Variants in TBCK observed in about 807,000 individuals in gnomAD.
The protein encoded by TBCK is TBC1 domain containing kinase, also known as TBC domain-containing protein kinase-like protein.
A neutral mutation model predicts 113.4 loss-of-function variants in TBCK; 99 were observed. The observed-to-expected ratio is 0.87, with a 90% confidence interval of 0.74 to 1.03. The LOEUF (loss-of-function observed/expected upper bound fraction) is 1.03. TBCK is among the 50% of genes least tolerant of loss of function. TBCK has a pLI of 0.00. For missense variants in TBCK, 1,045 were observed against 1,061.3 expected (o/e 0.98, Z 0.21); for synonymous variants, 369 against 370.8 (o/e 1.00, Z 0.05).
intron 25 of TBCK, among the ~76,000 whole-genome samples, chr4:106,074,184 C>G (rs577331507): frequency 6.6e-6 from 1 of 152,176 alleles, no homozygotes; most frequent in Non-Finnish European, 1.5e-5. Context: ...AATCACCTGT[C>G]TTCTTCATTG....
At chr4:106,234,098 G>A (rs893841131) in intron 15 of TBCK, among the ~76,000 whole-genome samples, 4 of 151,946 alleles carry the variant, frequency 2.6e-5, no homozygotes, top group African/African-American at 4.8e-5. Context: ...AATTTTGGTC[G>A]TGTTCTATAG....
At position 106,262,298 on chromosome 4, in the gene TBCK, A is replaced by G. The variant is rs1414131535; in HGVS notation, c.267-86T>C. The stretch of plus-strand genomic sequence containing the variant: ...AAGTGAAATGTGACCTAGTGAAAAT[A>G]TTCAAAAAGTTATATTTTTATTGCT... On this transcript the variant is annotated intron_variant, in intron 3 of 25. Transcript: ENST00000394708. 3 of 650,120 alleles carry G rather than the reference A, an allele frequency of 4.6e-6. No homozygotes were observed. In the Admixed American group the frequency reaches 9.1e-5, roughly 20 times the overall value. 40.3% of individuals were successfully genotyped at this position (650,120 alleles called of 1,614,324 possible). A position where few individuals can be genotyped will look rare whatever the true frequency, so the allele number is the denominator to read the frequency against.
At chr4:106,278,132 G>T (rs2125772073) in intron 3 of TBCK, among the ~76,000 whole-genome samples, 1 of 152,212 alleles carries the variant, frequency 6.6e-6, no homozygotes, top group Non-Finnish European at 1.5e-5. Flanking sequence ...AAGGTAATAT[G>T]AAGGCATTTT....
chr4:106,185,023 G>C (rs751295789), intron 22 of TBCK, among the ~76,000 whole-genome samples: 1 of 151,876 alleles, frequency 6.6e-6, no homozygotes, highest in Non-Finnish European at 1.5e-5. Flanking sequence ...TGCAGCCATC[G>C]TTTTCTCTCT....
intron 2 of TBCK, among the ~76,000 whole-genome samples, chr4:106,297,179 A>G (rs984690710): frequency 2.6e-5 from 4 of 152,106 alleles, no homozygotes; most frequent in African/African-American, 9.7e-5. Flanking sequence ...CAAGGCTGAA[A>G]AACTCTGAGA....
rs1760279296 is a variant in TBCK at position 106,242,582 on chromosome 4, T to A, written c.1071-13A>T. On this transcript the variant is annotated splice_polypyrimidine_tract_variant and intron_variant, in intron 11 of 25. Coordinates refer to ENST00000394708, the MANE Select transcript of TBCK (RefSeq NM_001163435.3). Reference sequence around the variant, plus strand: ...CTCAAAGAGAAAACTGAAAAGAAATTTTTAAAAATAATATGTACACAAAAT... The same window carrying A: ...CTCAAAGAGAAAACTGAAAAGAAATATTTAAAAATAATATGTACACAAAAT... The A allele has an allele frequency of 6.3e-7, 1 of 1,578,150 alleles. No homozygotes were observed. The highest frequency in any genetic ancestry group is 8.6e-7 in the Non-Finnish European group (1 of 1,163,778).
chr4:106,244,820 G>C (rs181144136), intron 10 of TBCK, 56 bp from the exon 11 acceptor site: 5 of 1,106,274 alleles, frequency 4.5e-6, no homozygotes, highest in Admixed American at 5.1e-5. Context: ...TTTATTAAAC[G>C]TCAACAGGCA....
intron 22 of TBCK, among the ~76,000 whole-genome samples, chr4:106,190,638 T>C (rs921177253): frequency 1.3e-5 from 2 of 152,236 alleles, no homozygotes; most frequent in Admixed American, 6.5e-5. Context: ...CTACATAAAA[T>C]ATAAGTGTGA....
intron 23 of TBCK, among the ~76,000 whole-genome samples, chr4:106,124,526 A>G (rs957009515): frequency 2.0e-5 from 3 of 152,214 alleles, no homozygotes. Flanking sequence ...ATTATAAATC[A>G]TGCTGCTATA....
At chr4:106,294,945 G>A (rs1192475119) in intron 3 of TBCK, 149 bp downstream of exon 3, 2 of 562,148 alleles carry the variant, frequency 3.6e-6, no homozygotes, top group Non-Finnish European at 6.4e-6. Flanking sequence ...TATGTAATCT[G>A]TAAATTAAAT....
chr4:106,163,525 G>A (rs1248810809), intron 23 of TBCK: 1 of 152,016 alleles, frequency 6.6e-6, no homozygotes, highest in Non-Finnish European at 1.5e-5. Flanking sequence ...CCCCAAACTG[G>A]GTAATTTATA....
intron 12 of TBCK, among the ~76,000 whole-genome samples, chr4:106,242,250 C>A (rs1305879413): frequency 6.6e-6 from 1 of 151,748 alleles, no homozygotes; most frequent in Non-Finnish European, 1.5e-5. Flanking sequence ...GAACAGTTAC[C>A]CAATGATGGC....
intron 3 of TBCK, among the ~76,000 whole-genome samples, chr4:106,275,996 A>G (rs1763987281): frequency 1.3e-5 from 2 of 152,190 alleles, no homozygotes. Context: ...TGGAAAATCT[A>G]TATTTACTGA....
intron 17 of TBCK, among the ~76,000 whole-genome samples, chr4:106,232,038 T>A (rs1488092259): frequency 6.6e-6 from 1 of 151,816 alleles, no homozygotes; most frequent in African/African-American, 2.4e-5. Context: ...TAGAAAAATG[T>A]AAGAATGTTA....
chr4:106,268,553 T>C (rs1296435809), intron 3 of TBCK, among the ~76,000 whole-genome samples: 1 of 152,146 alleles, frequency 6.6e-6, no homozygotes, highest in Non-Finnish European at 1.5e-5. Flanking sequence ...TATAATCTTT[T>C]AGTTAGTCAA....
chr4:106,193,349 A>C (rs75223422), intron 22 of TBCK, among the ~76,000 whole-genome samples: 3,811 of 152,194 alleles, frequency 0.025, 168 homozygotes, highest in African/African-American at 0.088. Context: ...ATTGCCCCCA[A>C]CTTCCTGGCA....
At chr4:106,058,189 A>G (rs1217333207) in intron 25 of TBCK, among the ~76,000 whole-genome samples, 1 of 151,782 alleles carries the variant, frequency 6.6e-6, no homozygotes, top group Non-Finnish European at 1.5e-5. Flanking sequence ...TGGGGATATG[A>G]ATAAGTAAAC....
chr4:106,293,466 T>C (rs1029880027), intron 3 of TBCK, among the ~76,000 whole-genome samples: 2 of 152,132 alleles, frequency 1.3e-5, no homozygotes, highest in Non-Finnish European at 2.9e-5. Context: ...TATATTACAA[T>C]ATAATAAAAA....
In TBCK at chr4:106,251,986, A is replaced by G; in HGVS notation, c.477T>C (p.Pro159=). The G allele has an allele frequency of 6.2e-7, 1 of 1,610,524 alleles. No individual in the cohort carries two copies. Among genetic ancestry groups the G allele is most frequent in the Non-Finnish European group, 8.5e-7 (1 of 1,177,980 alleles). ...TGAAAATTCCCTGTGCAATTACCTC[A>G]GGGGCCAAGTACGAGGGATACCTGT... ...FPIGYPSYLA[P]EVIAQGIFKT... is the part of the protein sequence containing the mutation. The change falls in exon 6 of 26, where the codon CCT becomes CCC. Residue 159 remains proline, a synonymous_variant. Transcript: ENST00000394708.
Sources: gnomAD v4.1 joint callset for allele counts (sites outside exome capture counted in the v4.1 genomes callset) on GRCh38, gnomAD v4.1.1 for gene constraint, MANE v1.5 for transcripts, NCBI Gene and HGNC (gene_info 2026-07-23, HGNC 2026-07-21) for gene names.